The following AASS variants were observed in gnomAD, a reference collection of about 807,000 sequenced individuals.
The protein encoded by AASS is aminoadipate-semialdehyde synthase.
AASS carries 86 observed loss-of-function variants against 105.4 expected under a neutral mutation model. The observed-to-expected ratio is 0.82, with a 90% CI of 0.69 to 0.98. The LOEUF (loss-of-function observed/expected upper bound fraction) is 0.98, where lower values mean the gene tolerates loss of function less well. Among genes scored for constraint, AASS ranks in the 50% least tolerant of loss-of-function variants. The pLI, the probability that AASS is intolerant of heterozygous loss-of-function variation, is 0.00. For missense variants in AASS, 1,048 were observed against 1,143.2 expected (o/e 0.92, Z 1.20); for synonymous variants, 381 against 394.8 (o/e 0.96, Z 0.41).
chr7:122,079,017 G>C (rs1793179094), intron 21 of AASS, 67 bp from the exon 22 acceptor site: 1 of 1,612,860 alleles, frequency 6.2e-7, no homozygotes. Context: ...GGAAGCAAAA[G>C]GGAGCTCCTT....
At chr7:122,114,891 A>T (rs1230834792) in intron 9 of AASS, among the ~76,000 whole-genome samples, 183 bp downstream of exon 9, 3 of 152,100 alleles carry the variant, frequency 2.0e-5, no homozygotes, top group Non-Finnish European at 4.4e-5. Context: ...ATAAATATAT[A>T]CAATAAAATT....
chr7:122,088,630 A>G (rs1793745346), intron 18 of AASS, among the ~76,000 whole-genome samples: 1 of 152,174 alleles, frequency 6.6e-6, no homozygotes, highest in Non-Finnish European at 1.5e-5. Context: ...GCAAAGGAAG[A>G]TAGTGGTAGC....
intron 19 of AASS, among the ~76,000 whole-genome samples, chr7:122,085,723 A>G (rs979046343): frequency 1.3e-5 from 2 of 152,130 alleles, no homozygotes; most frequent in African/African-American, 4.8e-5. Context: ...TGAATACTGG[A>G]AAGAAGAGCT....
intron 19 of AASS, chr7:122,082,987 G>T: frequency 1.5e-6 from 1 of 668,142 alleles, no homozygotes; most frequent in Non-Finnish European, 2.4e-6. Flanking sequence ...CAAATGGGAA[G>T]CAGGGTGAGA....
In AASS at chr7:122,073,907, A is replaced by C. The variant is rs1792881803; in HGVS notation, c.*2582T>G. Among the ~76,000 whole-genome samples the C allele has an allele frequency of 6.6e-6, 1 of 152,118 alleles. No homozygotes were observed. Among genetic ancestry groups the C allele is most frequent in the Non-Finnish European group, 1.5e-5 (1 of 68,018 alleles). On this transcript the variant is annotated 3_prime_UTR_variant, in exon 24 of 24. Transcript: ENST00000417368. Reference sequence around the variant, plus strand: ...TTTCCATGTTGTGGTGCATATCAGTACTTCATCTCTTTTTTTATTGCTGAA... The same window carrying C: ...TTTCCATGTTGTGGTGCATATCAGTCCTTCATCTCTTTTTTTATTGCTGAA...
rs760943040 is a variant in AASS at position 122,073,959 on chromosome 7, G to A, written c.*2530C>T. Among the ~76,000 whole-genome samples the A allele has an allele frequency of 7.9e-5, 12 of 152,012 alleles. No individual in the cohort carries two copies. Among genetic ancestry groups the A allele is most frequent in the Middle Eastern group, 3.4e-3 (1 of 294 alleles). On this transcript the variant is annotated 3_prime_UTR_variant, in exon 24 of 24. Coordinates refer to ENST00000417368, the MANE Select transcript of AASS (RefSeq NM_005763.4). The stretch of plus-strand genomic sequence containing the variant: ...AATATTCCTTGTATGGATATGCCAC[G>A]TTTTGTTTATTCACTTGTTAGTTGA...
intron 20 of AASS, among the ~76,000 whole-genome samples, chr7:122,080,020 A>G (rs1244931411): frequency 2.6e-5 from 4 of 152,002 alleles, no homozygotes; most frequent in African/African-American, 9.7e-5. Flanking sequence ...CCTCTCTATC[A>G]CTATGTTTTT....
At chr7:122,113,741 T>C in intron 9 of AASS, 21 bp from the exon 10 acceptor site, 1 of 1,610,406 alleles carries the variant, frequency 6.2e-7, no homozygotes, top group Non-Finnish European at 8.5e-7. Flanking sequence ...CATCAATACT[T>C]AGATGAGAGG....
At chr7:122,116,594 T>A (rs1795187930) in intron 8 of AASS, 39 bp downstream of exon 8, 1 of 1,613,216 alleles carries the variant, frequency 6.2e-7, no homozygotes, top group African/African-American at 1.3e-5. Context: ...CTACACTGTA[T>A]CATAAGCAAC....
Position 122,073,966 on chromosome 7 carries a change from T to C in AASS, c.*2523A>G, listed in dbSNP as rs991088139. Among the ~76,000 whole-genome samples the C allele has an allele frequency of 6.6e-6, 1 of 152,126 alleles. No individual in the cohort carries two copies. Among genetic ancestry groups the C allele is most frequent in the Admixed American group, 6.5e-5 (1 of 15,282 alleles). On this transcript the variant is annotated 3_prime_UTR_variant, in exon 24 of 24. Transcript: ENST00000417368. Reference sequence around the variant, plus strand: ...CTTGTATGGATATGCCACGTTTTGTTTATTCACTTGTTAGTTGATAGAAAT... The same window carrying C: ...CTTGTATGGATATGCCACGTTTTGTCTATTCACTTGTTAGTTGATAGAAAT...
intron 11 of AASS, among the ~76,000 whole-genome samples, chr7:122,104,142 T>C (rs1027881053): frequency 9.9e-5 from 15 of 152,146 alleles, no homozygotes; most frequent in African/African-American, 3.1e-4. Flanking sequence ...ACAGATTAAA[T>C]TGTTCAATTA....
chr7:122,124,481 C>T (rs1795570200), intron 4 of AASS, among the ~76,000 whole-genome samples: 1 of 152,152 alleles, frequency 6.6e-6, no homozygotes, highest in African/African-American at 2.4e-5. Context: ...AGGGGTTTCA[C>T]CATGTTGGCC....
chr7:122,130,965 A>T (rs892108485), intron 2 of AASS, among the ~76,000 whole-genome samples: 1 of 151,336 alleles, frequency 6.6e-6, no homozygotes, highest in Non-Finnish European at 1.5e-5. Flanking sequence ...TGTATATAGT[A>T]GACAGCCTTC....
At chr7:122,108,442 A>G (rs1252837910) in intron 11 of AASS, among the ~76,000 whole-genome samples, 1 of 152,086 alleles carries the variant, frequency 6.6e-6, no homozygotes, top group Non-Finnish European at 1.5e-5. Flanking sequence ...CTAGAAAACC[A>G]AATTTAACAG....
At position 122,118,739 on chromosome 7, in the gene AASS, C is replaced by T. The variant is rs1795309866; in HGVS notation, c.473-109G>A. The T allele has an allele frequency of 3.6e-6, 4 of 1,115,188 alleles. No homozygotes were observed. The South Asian group carries it at 4.0e-5, about 11-fold the overall frequency. 69.1% of individuals were successfully genotyped at this position (1,115,188 alleles called of 1,614,324 possible). Reference sequence around the variant, plus strand: ...GTGCCCTGCAGAAGCACAGATCATGCATCTCAGATTTAGAAGAGGCCTCAG... The same window carrying T: ...GTGCCCTGCAGAAGCACAGATCATGTATCTCAGATTTAGAAGAGGCCTCAG... On this transcript the variant is annotated intron_variant, in intron 4 of 23. Coordinates refer to ENST00000417368, the MANE Select transcript of AASS (RefSeq NM_005763.4).
At position 122,081,581 on chromosome 7, in the gene AASS, A is replaced by G; in HGVS notation, c.2199T>C (p.Ala733=). Residue 733 remains alanine (A), a synonymous_variant, in exon 20 of 24, where the codon GCT becomes GCC. Transcript: ENST00000417368. ...GACCTAATTTTACAAATCCATTCAA[A>G]GCTTTCATATATCCCTGAAACAAGA... The part of the protein sequence containing the change: ...GTLRYKGYMK[A]LNGFVKLGLI... The G allele has an allele frequency of 1.9e-6, 3 of 1,612,894 alleles. No individual in the cohort carries two copies. The highest frequency in any genetic ancestry group is 1.7e-6 in the Non-Finnish European group (2 of 1,178,968).
At chr7:122,078,351 T>C (rs1056288649) in intron 22 of AASS, among the ~76,000 whole-genome samples, 7 of 150,464 alleles carry the variant, frequency 4.7e-5, no homozygotes, top group Non-Finnish European at 8.9e-5. Context: ...CGGTGGCTCA[T>C]GCCTGTAATC....
chr7:122,142,037 T>C (rs1796423868), intron 1 of AASS, among the ~76,000 whole-genome samples: 1 of 152,170 alleles, frequency 6.6e-6, no homozygotes, highest in Admixed American at 6.5e-5. Flanking sequence ...CTAAGCTACC[T>C]GCATTAATAG....
chr7:122,098,384 G>C, intron 15 of AASS, 66 bp downstream of exon 15: 5 of 1,586,880 alleles, frequency 3.2e-6, no homozygotes, highest in Non-Finnish European at 4.3e-6. Context: ...AGAAGTGAAA[G>C]AGAAAGAAAA....
Sources: gnomAD v4.1 joint callset for allele counts (sites outside exome capture counted in the v4.1 genomes callset) on GRCh38, gnomAD v4.1.1 for gene constraint, MANE v1.5 for transcripts, NCBI Gene and HGNC (gene_info 2026-07-23, HGNC 2026-07-21) for gene names.